Variants in CSMD2 observed in about 807,000 individuals in gnomAD.
CSMD2 encodes the protein CUB and Sushi multiple domains 2.
In CSMD2, 130 loss-of-function variants were observed where a neutral mutation model predicts 398.5. The ratio of observed to expected loss-of-function variants is 0.33; its 90% CI spans 0.28 to 0.38. The LOEUF is 0.38. CSMD2 is among the 10% of genes least tolerant of loss of function. The probability of loss-of-function intolerance (pLI) is 1.00; values close to 1 mark genes in which losing one functional copy is unlikely to be tolerated. For synonymous variants in CSMD2, 1,828 were observed against 1,908.5 expected (o/e 0.96, Z 1.10); for missense variants, 3,829 against 4,764.9 (o/e 0.80, Z 5.78).
At chr1:34,099,498 C>T (rs1255202088) in intron 1 of CSMD2, among the ~76,000 whole-genome samples, 15 of 152,238 alleles carry the variant, frequency 9.9e-5, no homozygotes, top group Admixed American at 9.8e-4. Context: ...TCTGCCTTGG[C>T]TCAGACCTGC....
chr1:34,070,740 T>C lies in CSMD2; in HGVS notation c.404+18237A>G, dbSNP rs370607892. Reference sequence around the variant, plus strand: ...AGGCAGGTTTGAAAATATCCACTACTGCAAGGCTTCTTGCAGAACTAGAAA... The same window carrying C: ...AGGCAGGTTTGAAAATATCCACTACCGCAAGGCTTCTTGCAGAACTAGAAA... On this transcript the variant is annotated intron_variant, in intron 2 of 70. Transcript: ENST00000373381. 7.5e-5 allele frequency among the ~76,000 whole-genome samples: 11 copies of C among 146,346 alleles called. No individual in the cohort carries two copies. In the East Asian group the frequency reaches 8.7e-4, roughly 12 times the overall value.
chr1:33,997,338 C>T (rs1283030115), intron 3 of CSMD2, among the ~76,000 whole-genome samples: 1 of 152,212 alleles, frequency 6.6e-6, no homozygotes, highest in Non-Finnish European at 1.5e-5. Flanking sequence ...AGGTATGTCT[C>T]CTGCGGGTCC....
At chr1:33,861,136 G>A (rs556451953) in intron 5 of CSMD2, 6 of 152,288 alleles carry the variant, frequency 3.9e-5, no homozygotes, top group South Asian at 2.1e-4. Context: ...CTCATATTAA[G>A]CATTATATAA....
chr1:33,990,110 C>T (rs1570734561), intron 3 of CSMD2, among the ~76,000 whole-genome samples: 1 of 151,310 alleles, frequency 6.6e-6, no homozygotes, highest in East Asian at 1.9e-4. Flanking sequence ...ATCTCTACTA[C>T]AAATACAAAA....
At chr1:33,929,810 A>T (rs1371960006) in intron 4 of CSMD2, among the ~76,000 whole-genome samples, 1 of 150,826 alleles carries the variant, frequency 6.6e-6, no homozygotes, top group Non-Finnish European at 1.5e-5. Context: ...CCCCCACCTC[A>T]GGGCCTTTGC....
Position 33,577,459 on chromosome 1 carries a change from A to T in CSMD2, c.7413T>A (p.Ala2471=). 8.1e-6 allele frequency: 13 copies of T among 1,612,824 alleles called. No individual in the cohort carries two copies. The highest frequency in any genetic ancestry group is 1.1e-5 in the Non-Finnish European group (13 of 1,179,074). ...YSAPYCSLPR[A]PLHGFILGQT... Reference sequence around the variant, plus strand: ...GGCCTAGGATGAAGCCATGGAGTGGAGCCCTGGGCAGGCTGCAGTAAGGGG... The same window carrying T: ...GGCCTAGGATGAAGCCATGGAGTGGTGCCCTGGGCAGGCTGCAGTAAGGGG... Residue 2471 remains alanine, a synonymous_variant, in exon 49 of 71, where the codon GCT becomes GCA. Coordinates refer to ENST00000373381, the MANE Select transcript of CSMD2 (RefSeq NM_001281956.2).
chr1:33,914,956 T>C (rs1420581484), intron 5 of CSMD2, among the ~76,000 whole-genome samples: 3 of 152,256 alleles, frequency 2.0e-5, no homozygotes, highest in Non-Finnish European at 4.4e-5. Flanking sequence ...CTCCAATTGT[T>C]TGGAAATTTT....
chr1:34,037,119 A>AAATTT (rs10694600), intron 2 of CSMD2, among the ~76,000 whole-genome samples: 66,093 of 151,556 alleles, frequency 0.44, 14,607 homozygotes, highest in East Asian at 0.58. Flanking sequence ...ATAAAAAATT[A>AAATTT]AATTTAATAA....
At chr1:34,067,203 A>T (rs544083884) in intron 2 of CSMD2, among the ~76,000 whole-genome samples, 1 of 152,034 alleles carries the variant, frequency 6.6e-6, no homozygotes, top group Non-Finnish European at 1.5e-5. Flanking sequence ...TGAGAAATAT[A>T]TATTTACTCC....
intron 44 of CSMD2, among the ~76,000 whole-genome samples, chr1:33,593,255 C>A (rs1570864834): frequency 6.6e-6 from 1 of 152,182 alleles, no homozygotes; most frequent in Admixed American, 6.5e-5. Context: ...TCTGGCCACC[C>A]TTTTATCTTT....
chr1:33,939,055 T>C (rs192221723), intron 3 of CSMD2, among the ~76,000 whole-genome samples: 70 of 152,008 alleles, frequency 4.6e-4, no homozygotes, highest in African/African-American at 1.5e-3. Flanking sequence ...CATGATCCCA[T>C]GCTGCTGGCT....
chr1:33,825,119 G>A (rs1161472095), intron 7 of CSMD2, among the ~76,000 whole-genome samples: 1 of 150,686 alleles, frequency 6.6e-6, no homozygotes, highest in East Asian at 2.0e-4. Flanking sequence ...AACATGTTCT[G>A]AAAGATGTCA....
intron 19 of CSMD2, among the ~76,000 whole-genome samples, chr1:33,719,982 G>T (rs1021196121): frequency 1.3e-5 from 2 of 152,192 alleles, no homozygotes; most frequent in Non-Finnish European, 2.9e-5. Flanking sequence ...TCCTGAATTG[G>T]CTGCTCCCTT....
At chr1:33,664,844 TAA>T (rs1644258096) in intron 25 of CSMD2, among the ~76,000 whole-genome samples, 1 of 151,932 alleles carries the variant, frequency 6.6e-6, no homozygotes, top group Admixed American at 6.6e-5. Flanking sequence ...ATAAAATAAA[TAA>T]AAATTTTAAA....
In CSMD2 at chr1:33,537,228, T is replaced by C. The variant is rs1309404488; in HGVS notation, c.9806-133A>G. The C allele has an allele frequency of 4.4e-6, 5 of 1,140,820 alleles. No homozygotes were observed. Among genetic ancestry groups the C allele is most frequent in the Non-Finnish European group, 6.4e-6 (5 of 775,784 alleles). The allele number at this position is 1,140,820 out of a possible 1,614,324, so 70.7% of individuals were successfully genotyped here. A position where few individuals can be genotyped will look rare whatever the true frequency, so the allele number is the denominator to read the frequency against. ...TTCCCTGCCCACTGAGATCCCCACC[T>C]GAGCCTTGGCCCTGGCTGTCTATTT... On this transcript the variant is annotated intron_variant, in intron 61 of 70. Transcript: ENST00000373381. This position sits in a 1 kb window ranked among gnomAD's most constrained non-coding sequence, Gnocchi z 4.6.
Position 33,636,299 on chromosome 1 carries a change from C to A in CSMD2, c.4969+61G>T, listed in dbSNP as rs1642797750. ...CCCCTCCCTTCCCCAGCCCACAGCA[C>A]CCTCTGCCCCTGGCATGCCCTCAGT... On this transcript the variant is annotated intron_variant, in intron 30 of 70. Coordinates refer to ENST00000373381, the MANE Select transcript of CSMD2 (RefSeq NM_001281956.2). This position sits in a 1 kb window ranked among gnomAD's most constrained non-coding sequence, Gnocchi z 4.8. 1 of 1,483,214 alleles carries A rather than the reference C, an allele frequency of 6.7e-7. No homozygotes were observed. Among genetic ancestry groups the A allele is most frequent in the Non-Finnish European group, 9.1e-7 (1 of 1,098,242 alleles). 91.9% of individuals were successfully genotyped at this position (1,483,214 alleles called of 1,614,324 possible).
rs200606619 is a variant in CSMD2, at chr1:33,772,540, C to T, written c.1846+29G>A. 1.0e-5 allele frequency: 16 copies of T among 1,596,150 alleles called. No individual in the cohort carries two copies. The Admixed American group carries it at 2.0e-4, about 20-fold the overall frequency. On this transcript the variant is annotated intron_variant, in intron 13 of 70. Coordinates refer to ENST00000373381, the MANE Select transcript of CSMD2 (RefSeq NM_001281956.2). ...GGGCCCCTGCCTCTCAGTGAAGACC[C>T]TGGCGTGGCCTCCTCCCTGCTCACT...
intron 6 of CSMD2, among the ~76,000 whole-genome samples, chr1:33,841,224 G>T (rs913317805): frequency 1.3e-5 from 2 of 152,158 alleles, no homozygotes; most frequent in African/African-American, 2.4e-5. Flanking sequence ...GCCAAATGAC[G>T]ATCATTAGGT....
At chr1:34,049,531 C>T (rs530526470) in intron 2 of CSMD2, among the ~76,000 whole-genome samples, 9 of 152,242 alleles carry the variant, frequency 5.9e-5, no homozygotes, top group South Asian at 4.1e-4. Context: ...TGCCCCCCAA[C>T]CCCAGATGCC....
Sources: gnomAD v4.1 joint callset for allele counts (sites outside exome capture counted in the v4.1 genomes callset) on GRCh38, gnomAD v4.1.1 for gene constraint, Gnocchi (gnomAD v3.1) non-coding constraint, MANE v1.5 for transcripts, NCBI Gene and HGNC (gene_info 2026-07-23, HGNC 2026-07-21) for gene names.